SUPT3H: variants seen among roughly 807,000 people sequenced by gnomAD.
The protein encoded by SUPT3H is transcription initiation protein SPT3 homolog.
In SUPT3H, 44 loss-of-function variants were observed where a neutral mutation model predicts 44.3. The observed-to-expected ratio is 0.99, with a 90% CI of 0.78 to 1.28. SUPT3H has a LOEUF of 1.28. Ranked by LOEUF, SUPT3H falls within the 50% of genes most tolerant of loss-of-function variation. SUPT3H has a pLI of 0.00. For synonymous variants in SUPT3H, 124 were observed against 125.6 expected, an observed-to-expected ratio of 0.99 and a Z score of 0.09; for missense variants, 380 against 387.1, an observed-to-expected ratio of 0.98 and a Z score of 0.15.
intron 3 of SUPT3H, among the ~76,000 whole-genome samples, chr6:45,026,970 C>A (rs1161222081): frequency 6.9e-6 from 1 of 144,612 alleles, no homozygotes; most frequent in East Asian, 2.1e-4. Context: ...CCCTTCTACT[C>A]TTCTGCTTTG....
chr6:45,147,671 G>A (rs909740827), intron 2 of SUPT3H, among the ~76,000 whole-genome samples: 1 of 151,932 alleles, frequency 6.6e-6, no homozygotes, highest in African/African-American at 2.4e-5. Flanking sequence ...AGGAAGAGGT[G>A]GCTGGGAGGT....
At chr6:45,056,874 A>C (rs1791214525) in intron 3 of SUPT3H, among the ~76,000 whole-genome samples, 1 of 152,208 alleles carries the variant, frequency 6.6e-6, no homozygotes, top group Non-Finnish European at 1.5e-5. Context: ...TCCAGTCTTA[A>C]ACAACAACAA....
rs544514909 is a variant in SUPT3H at position 45,219,373 on chromosome 6, A to G, written c.102-113367T>C. On this transcript the variant is annotated intron_variant, in intron 2 of 10. Coordinates refer to ENST00000371459, the MANE Select transcript of SUPT3H (RefSeq NM_003599.4). ...CAAAAATAGAGAAAAGACACAAATCACAAACGCCAGGAATGAAAAACTAAC... is the reference window on the plus strand; with the variant it reads ...CAAAAATAGAGAAAAGACACAAATCGCAAACGCCAGGAATGAAAAACTAAC... Among the ~76,000 whole-genome samples, 21 of 152,268 alleles carry G rather than the reference A, an allele frequency of 1.4e-4. No homozygotes were observed. In the South Asian group the frequency reaches 4.2e-3, roughly 30 times the overall value.
At chr6:45,137,252 T>A (rs1304509274) in intron 2 of SUPT3H, among the ~76,000 whole-genome samples, 2 of 152,052 alleles carry the variant, frequency 1.3e-5, no homozygotes, top group Non-Finnish European at 2.9e-5. Context: ...TAAGAAATAC[T>A]AAGACAAGTC....
intron 2 of SUPT3H, among the ~76,000 whole-genome samples, chr6:45,187,118 A>G (rs916126851): frequency 1.6e-4 from 24 of 150,404 alleles, no homozygotes; most frequent in African/African-American, 5.4e-4. Context: ...AAAAAAAAAA[A>G]AAAAAAAAAA....
intron 2 of SUPT3H, among the ~76,000 whole-genome samples, chr6:45,143,041 G>A (rs1425398807): frequency 6.6e-6 from 1 of 151,874 alleles, no homozygotes; most frequent in Non-Finnish European, 1.5e-5. Context: ...CCTAACACTG[G>A]AGCTCCCAAG....
intron 2 of SUPT3H, among the ~76,000 whole-genome samples, chr6:45,262,111 G>C (rs1319120426): frequency 2.0e-5 from 3 of 152,062 alleles, no homozygotes; most frequent in Non-Finnish European, 4.4e-5. Flanking sequence ...CATGCTTGTG[G>C]ATAGCAAGAA....
intron 9 of SUPT3H, among the ~76,000 whole-genome samples, chr6:44,938,704 A>C (rs922629955): frequency 2.6e-5 from 4 of 152,170 alleles, no homozygotes; most frequent in African/African-American, 9.7e-5. Flanking sequence ...CTGATCCATA[A>C]GCATGGGATG....
chr6:45,267,492 T>C (rs994533987), intron 2 of SUPT3H, among the ~76,000 whole-genome samples: 3 of 152,226 alleles, frequency 2.0e-5, no homozygotes, highest in Non-Finnish European at 4.4e-5. Flanking sequence ...AAACTGAAAG[T>C]TATTGAATTA....
intron 4 of SUPT3H, among the ~76,000 whole-genome samples, chr6:45,018,471 T>C (rs1784631634): frequency 6.6e-6 from 1 of 151,964 alleles, no homozygotes; most frequent in South Asian, 2.1e-4. Context: ...CAGTATGATA[T>C]TGGCTGTGGG....
At chr6:44,925,789 C>T (rs1157700555) in intron 10 of SUPT3H, among the ~76,000 whole-genome samples, 1 of 152,108 alleles carries the variant, frequency 6.6e-6, no homozygotes, top group Non-Finnish European at 1.5e-5. Flanking sequence ...TTTTAAAATG[C>T]TCTTTACTTC....
intron 2 of SUPT3H, among the ~76,000 whole-genome samples, chr6:45,340,651 A>G (rs1789587340): frequency 6.6e-6 from 1 of 152,108 alleles, no homozygotes; most frequent in Admixed American, 6.5e-5. Flanking sequence ...CAGAAAAAAA[A>G]AGTTTCAAGG....
intron 9 of SUPT3H, 29 bp downstream of exon 9, chr6:44,953,281 G>T (rs781009613): frequency 6.4e-7 from 1 of 1,566,576 alleles, no homozygotes; most frequent in African/African-American, 1.3e-5. Flanking sequence ...ATTCACAAAT[G>T]TTTTAAGACA....
intron 2 of SUPT3H, among the ~76,000 whole-genome samples, chr6:45,316,575 T>A (rs914115254): frequency 6.6e-6 from 1 of 151,988 alleles, no homozygotes; most frequent in Non-Finnish European, 1.5e-5. Flanking sequence ...ATAAACAAAT[T>A]CAGTAATTCT....
intron 2 of SUPT3H, among the ~76,000 whole-genome samples, chr6:45,280,985 C>A (rs75674202): frequency 0.13 from 19,664 of 152,140 alleles, 1,508 homozygotes; most frequent in East Asian, 0.26. Flanking sequence ...AACTGCACTT[C>A]GATGTAACCA....
chr6:45,114,917 G>C (rs1800615169), intron 2 of SUPT3H, among the ~76,000 whole-genome samples: 1 of 152,100 alleles, frequency 6.6e-6, no homozygotes, highest in Non-Finnish European at 1.5e-5. Context: ...AGTCCAGTTA[G>C]AAGTAAAACT....
chr6:45,017,294 T>C (rs1247145743), intron 4 of SUPT3H, among the ~76,000 whole-genome samples: 3 of 149,754 alleles, frequency 2.0e-5, no homozygotes, highest in East Asian at 2.0e-4. Flanking sequence ...ATTTTGTAGG[T>C]TGCCTGTTCA....
At chr6:45,013,024 C>T (rs1419913546) in intron 5 of SUPT3H, among the ~76,000 whole-genome samples, 1 of 152,026 alleles carries the variant, frequency 6.6e-6, no homozygotes, top group African/African-American at 2.4e-5. Flanking sequence ...GCTGTTTTGC[C>T]TCTACTGTTA....
chr6:45,252,448 C>T (rs1772536860), intron 2 of SUPT3H, among the ~76,000 whole-genome samples: 1 of 152,018 alleles, frequency 6.6e-6, no homozygotes, highest in South Asian at 2.1e-4. Flanking sequence ...TAGATATTTG[C>T]CAATTGTCTG....
Sources: gnomAD v4.1 joint callset for allele counts (sites outside exome capture counted in the v4.1 genomes callset) on GRCh38, gnomAD v4.1.1 for gene constraint, MANE v1.5 for transcripts, NCBI Gene and HGNC (gene_info 2026-07-23, HGNC 2026-07-21) for gene names.